Variants in ANKLE2 observed in about 807,000 individuals in gnomAD.
ANKLE2 encodes the protein ankyrin repeat and LEM domain-containing protein 2.
A neutral mutation model predicts 84.2 loss-of-function variants in ANKLE2; 55 were observed. The ratio of observed to expected loss-of-function variants is 0.65; its 90% CI spans 0.53 to 0.82. The LOEUF (loss-of-function observed/expected upper bound fraction) is 0.82. ANKLE2 is among the 40% of genes least tolerant of loss of function. ANKLE2 has a pLI of 0.00. For missense variants in ANKLE2, 1,238 were observed against 1,201.9 expected, an observed-to-expected ratio of 1.03 and a Z score of -0.44; for synonymous variants, 551 against 486.1, an observed-to-expected ratio of 1.13 and a Z score of -1.76.
rs60676888 is a variant in ANKLE2, at chr12:132,730,341, A to G, written c.1892-71T>C. 0.13 allele frequency: 70,773 copies of G among 529,590 alleles called. 5,509 individuals are homozygous for G. The highest frequency in any genetic ancestry group is 0.22 in the African/African-American group (7,671 of 35,452). The allele number at this position is 529,590 out of a possible 1,614,324, so 32.8% of individuals were successfully genotyped here. On this transcript the variant is annotated intron_variant, in intron 10 of 12. Transcript: ENST00000357997. ...GCCACGGAGCTGCTCCGCCCCATCC[A>G]TGACCAACTGCCGTGACCCCAGCAA... is the stretch of plus-strand genomic sequence containing the variant.
At position 132,727,008 on chromosome 12, in the gene ANKLE2, G is replaced by A; in HGVS notation, c.*234C>T. 1 of 550,186 alleles carries A rather than the reference G, an allele frequency of 1.8e-6. No homozygotes were observed. The highest frequency in any genetic ancestry group is 3.3e-5 in the South Asian group (1 of 30,608). 34.1% of individuals were successfully genotyped at this position (550,186 alleles called of 1,614,324 possible). On this transcript the variant is annotated 3_prime_UTR_variant, in exon 13 of 13. Coordinates refer to ENST00000357997, the MANE Select transcript of ANKLE2 (RefSeq NM_015114.3). ...CCTAAAAAGTCTACCATTACCACAT[G>A]GATATTTTCCAGAAAATTGGTAACT...
chr12:132,750,530 T>C, intron 3 of ANKLE2, 113 bp downstream of exon 3: 1 of 1,124,242 alleles, frequency 8.9e-7, no homozygotes, highest in Middle Eastern at 2.0e-4. Context: ...TGAGACCCCA[T>C]CGACTCTACC....
chr12:132,743,499 C>T lies in ANKLE2; in HGVS notation c.1231-223G>A, dbSNP rs12311174. Among the ~76,000 whole-genome samples, 564 of 151,776 alleles carry T rather than the reference C, an allele frequency of 3.7e-3. 1 individual carries two copies. Among genetic ancestry groups the T allele is most frequent in the African/African-American group, 0.013 (530 of 41,344 alleles). On this transcript the variant is annotated intron_variant, in intron 5 of 12. Transcript: ENST00000357997. The surrounding 1 kb of genome is among the most constrained non-coding windows in gnomAD (Gnocchi z 4.1). ...GGACTACAGGCACCCGCCACCACAC[C>T]CAGCTATTTTTTTTTTTTTTTTAAT...
rs371985719 is a variant in ANKLE2 at position 132,728,043 on chromosome 12, C to T, written c.2604G>A (p.Ser868=). Residue 868 remains serine, a synonymous_variant, in exon 12 of 13, where the codon TCG becomes TCA. Transcript: ENST00000357997. The part of the protein sequence containing the change: ...WKSAVLCYSP[S]DRQSWPSPAV... The stretch of plus-strand genomic sequence containing the variant: ...CGGGCCCCACATACCTCTGTCTGTC[C>T]GAGGGTGAGTAGCACAGGACAGCAC... The T allele has an allele frequency of 3.7e-5, 60 of 1,606,834 alleles. No individual in the cohort carries two copies. The African/African-American group carries it at 5.6e-4, about 15-fold the overall frequency.
intron 9 of ANKLE2, chr12:132,735,112 G>T: frequency 2.3e-6 from 1 of 441,594 alleles, no homozygotes; most frequent in Non-Finnish European, 4.1e-6. Context: ...AGCATTATAT[G>T]GTACCTTCTA....
chr12:132,738,496 T>C (rs2044058081), intron 7 of ANKLE2: 1 of 151,986 alleles, frequency 6.6e-6, no homozygotes, highest in Admixed American at 6.6e-5. Flanking sequence ...CCTGGGAATT[T>C]CTTATGTTAA....
At chr12:132,750,437 C>T (rs955671535) in intron 3 of ANKLE2, among the ~76,000 whole-genome samples, 4 of 151,984 alleles carry the variant, frequency 2.6e-5, no homozygotes, top group Admixed American at 1.3e-4. Context: ...CAGATGGAAG[C>T]GGCCACAGCG....
intron 10 of ANKLE2, chr12:132,730,518 T>C (rs1195497246): frequency 8.4e-6 from 4 of 475,764 alleles, no homozygotes; most frequent in Admixed American, 3.5e-5. Context: ...AACAGGACCC[T>C]CCAGACACAA....
chr12:132,754,683 G>A lies in ANKLE2; in HGVS notation c.632C>T (p.Ala211Val), dbSNP rs200471033. The change falls in exon 2 of 13, where the codon GCG becomes GTG. Residue 211 changes from alanine (A) to valine (V), a missense_variant. This residue lies in a region of ANKLE2 where 422 missense variants were observed against 394.5 expected (regional missense o/e 1.07). Transcript: ENST00000357997. ...ACACACGGTCCCATTACCATTTCTC[G>A]CTGGGACGTCCTCATACACTGGACA... ...GVCPVYEDVP[A>V]RNERIYVYEN... 84 of 1,599,352 alleles carry A rather than the reference G, an allele frequency of 5.3e-5. No individual in the cohort carries two copies. In the East Asian group the frequency reaches 7.9e-4, roughly 15 times the overall value.
In ANKLE2 at chr12:132,730,274, T is replaced by C; in HGVS notation, c.1892-4A>G. On this transcript the variant is annotated splice_polypyrimidine_tract_variant and splice_region_variant and intron_variant, in intron 10 of 12. Transcript: ENST00000357997. ...CTCACGGAAATGGAATTGCTGCCTG[T>C]GAGGACAACAAGGAGCACTTCAGTG... 1 of 1,551,620 alleles carries C rather than the reference T, an allele frequency of 6.4e-7. No individual in the cohort carries two copies. Among genetic ancestry groups the C allele is most frequent in the Non-Finnish European group, 8.7e-7 (1 of 1,147,876 alleles).
rs919850965 is a variant in ANKLE2 at position 132,726,094 on chromosome 12, A to C, written c.*1148T>G. The stretch of plus-strand genomic sequence containing the variant: ...AAAAATGATTTATAAAAGGCACTGA[A>C]GTTAGCAAAAGCATTGGTGGGTTTT... On this transcript the variant is annotated 3_prime_UTR_variant, in exon 13 of 13. Coordinates refer to ENST00000357997, the MANE Select transcript of ANKLE2 (RefSeq NM_015114.3). The C allele has an allele frequency of 5.9e-5, 9 of 152,402 alleles. No individual in the cohort carries two copies. The highest frequency in any genetic ancestry group is 2.2e-4 in the African/African-American group (9 of 41,470). 9.4% of individuals were successfully genotyped at this position (152,402 alleles called of 1,614,324 possible).
chr12:132,743,926 G>A lies in ANKLE2; in HGVS notation c.1231-650C>T, dbSNP rs7974105. Among the ~76,000 whole-genome samples, 2 of 151,942 alleles carry A rather than the reference G, an allele frequency of 1.3e-5. No homozygotes were observed. Among genetic ancestry groups the A allele is most frequent in the South Asian group, 2.1e-4 (1 of 4,830 alleles). On this transcript the variant is annotated intron_variant, in intron 5 of 12. Transcript: ENST00000357997. This position sits in a 1 kb window ranked among gnomAD's most constrained non-coding sequence, Gnocchi z 4.1. ...GACCACAACCAGAATAAAGCAAAGC[G>A]CACGAATTTGGTCTGTACTCAAAGA...
rs748625524 is a variant in ANKLE2, at chr12:132,743,505, A to AT, written c.1231-230dup. ...CAGGCACCCGCCACCACACCCAGCT[A>AT]TTTTTTTTTTTTTTTTAATATTTAG... On this transcript the variant is annotated intron_variant, in intron 5 of 12. Coordinates refer to ENST00000357997, the MANE Select transcript of ANKLE2 (RefSeq NM_015114.3). This position sits in a 1 kb window ranked among gnomAD's most constrained non-coding sequence, Gnocchi z 4.1. Among the ~76,000 whole-genome samples the AT allele has an allele frequency of 0.026, 3,438 of 132,810 alleles. 113 individuals carry two copies. The highest frequency in any genetic ancestry group is 0.084 in the African/African-American group (3,025 of 36,226). The allele number at this position is 132,810 out of a possible 152,430, so 87.1% of individuals were successfully genotyped here.
At chr12:132,760,234 TAACA>T (rs1260883035) in intron 1 of ANKLE2, 1 of 151,286 alleles carries the variant, frequency 6.6e-6, no homozygotes, top group African/African-American at 2.4e-5. Flanking sequence ...CCGCAGTGAC[TAACA>T]GTCTGACAAT....
chr12:132,760,317 G>T (rs1566043517), intron 1 of ANKLE2: 1 of 152,148 alleles, frequency 6.6e-6, no homozygotes, highest in Non-Finnish European at 1.5e-5. Flanking sequence ...GGTATGTGGG[G>T]ATTTTCTCCC....
chr12:132,755,190 G>A (rs1283708369), intron 1 of ANKLE2, 57 bp from the exon 2 acceptor site: 5 of 1,449,118 alleles, frequency 3.5e-6, no homozygotes, highest in Non-Finnish European at 4.7e-6. Flanking sequence ...TGCTGAAGCT[G>A]GGTGATGGGT....
intron 7 of ANKLE2, among the ~76,000 whole-genome samples, chr12:132,740,122 T>C (rs1359716871): frequency 6.6e-6 from 1 of 152,230 alleles, no homozygotes; most frequent in Non-Finnish European, 1.5e-5. Flanking sequence ...TCTTCAGGGA[T>C]GTTCTGGCAA....
chr12:132,735,669 TG>T (rs2043994275), intron 8 of ANKLE2, among the ~76,000 whole-genome samples, 157 bp from the exon 9 acceptor site: 1 of 152,158 alleles, frequency 6.6e-6, no homozygotes, highest in African/African-American at 2.4e-5. Flanking sequence ...TGCCCACCTG[TG>T]GCATGGCTGA....
chr12:132,729,148 C>T (rs1016106380), intron 11 of ANKLE2, among the ~76,000 whole-genome samples: 20 of 151,202 alleles, frequency 1.3e-4, no homozygotes, highest in Admixed American at 1.1e-3. Context: ...GTCAGGAGTT[C>T]GACACCAGCC....
Sources: allele counts gnomAD v4.1 joint callset (sites outside exome capture counted in the v4.1 genomes callset), GRCh38; gene constraint gnomAD v4.1.1; regional missense constraint gnomAD v4.1.1; non-coding constraint Gnocchi (gnomAD v3.1); transcripts MANE v1.5; gene names NCBI Gene and HGNC (gene_info 2026-07-23, HGNC 2026-07-21).